The following PPP2R3B variants were observed in gnomAD, a reference collection of about 807,000 sequenced individuals.
PPP2R3B encodes the protein protein phosphatase 2 regulatory subunit B''beta.
Under a neutral mutation model 72.9 loss-of-function variants are expected in PPP2R3B, and 68 were observed. The ratio of observed to expected loss-of-function variants is 0.93; its 90% confidence interval spans 0.77 to 1.14. The LOEUF is 1.14. PPP2R3B is among the 50% of genes most tolerant of loss of function. PPP2R3B has a pLI of 0.00. For missense variants in PPP2R3B, 1,018 were observed against 842.0 expected (o/e 1.21, Z -2.59); for synonymous variants, 466 against 375.8 (o/e 1.24, Z -2.78).
Position 386,898 on chromosome X carries a change from G to A in PPP2R3B, c.-207C>T, listed in dbSNP as rs1474957773. The A allele has an allele frequency of 3.7e-5, 7 of 187,076 alleles. No individual in the cohort carries two copies. The highest frequency in any genetic ancestry group is 6.5e-5 in the Non-Finnish European group (6 of 92,524). 11.6% of individuals were successfully genotyped at this position (187,076 alleles called of 1,614,324 possible). The stretch of plus-strand genomic sequence containing the variant: ...GGCGCGGTCCGGCCCGCGCTGCTCA[G>A]GGCAGCTTCAAAACGGGCGCGCCGG... On this transcript the variant is annotated 5_prime_UTR_variant, in exon 1 of 13. Coordinates refer to ENST00000390665, the MANE Select transcript of PPP2R3B (RefSeq NM_013239.5).
At chrX:356,009 A>G (rs185484897) in intron 2 of PPP2R3B, among the ~76,000 whole-genome samples, 199 of 152,356 alleles carry the variant, frequency 1.3e-3, no homozygotes, top group African/African-American at 4.7e-3. Flanking sequence ...CAGCTGCCCC[A>G]AAATGAAAAA....
chrX:345,375 A>G, intron 7 of PPP2R3B, 141 bp downstream of exon 7: 1 of 1,176,424 alleles, frequency 8.5e-7, no homozygotes, highest in Non-Finnish European at 1.2e-6. Flanking sequence ...CTGCAGACAC[A>G]GAGCGGCGAG....
Position 361,551 on chromosome X carries a change from T to C in PPP2R3B, c.364A>G (p.Ser122Gly), listed in dbSNP as rs1357490958. The C allele has an allele frequency of 6.2e-7, 1 of 1,613,986 alleles. No homozygotes were observed. The highest frequency in any genetic ancestry group is 1.7e-5 in the Admixed American group (1 of 60,022). ...RKEEPLPPAT[S>G]QSIPTFYFPR... Reference sequence around the variant, plus strand: ...AAGTAGAAGGTCGGAATGCTTTGGCTCGTGGCCGGGGGCAGAGGCTCTTCT... The same window carrying C: ...AAGTAGAAGGTCGGAATGCTTTGGCCCGTGGCCGGGGGCAGAGGCTCTTCT... The change falls in exon 2 of 13, where the codon AGC (serine) becomes GGC (glycine). Residue 122 changes from serine (S) to glycine (G), a missense_variant. Ser to Gly is a moderately conservative substitution (Grantham distance 56). Coordinates refer to ENST00000390665, the MANE Select transcript of PPP2R3B (RefSeq NM_013239.5).
chrX:376,449 T>C (rs1317685303), intron 1 of PPP2R3B, among the ~76,000 whole-genome samples: 1 of 152,102 alleles, frequency 6.6e-6, no homozygotes, highest in Non-Finnish European at 1.5e-5. Flanking sequence ...CATGGGGCCA[T>C]CCACTACCGT....
rs747774086 is a variant in PPP2R3B at position 356,978 on chromosome X, C to T, written c.510+4427G>A. Among the ~76,000 whole-genome samples the T allele has an allele frequency of 4.1e-5, 5 of 122,754 alleles. 2 individuals are homozygous for T. In the East Asian group the frequency reaches 8.7e-4, roughly 21 times the overall value. The allele number at this position is 122,754 out of a possible 152,430, so 80.5% of individuals were successfully genotyped here. The stretch of plus-strand genomic sequence containing the variant: ...CACACCACAGGACTTAATCAGTCCT[C>T]AACACACACACATAGCGAAACATCT... On this transcript the variant is annotated intron_variant, in intron 2 of 12. Coordinates refer to ENST00000390665, the MANE Select transcript of PPP2R3B (RefSeq NM_013239.5).
intron 10 of PPP2R3B, among the ~76,000 whole-genome samples, chrX:339,277 G>GGGT (rs1556105763): frequency 1.3e-5 from 2 of 149,628 alleles, no homozygotes; most frequent in Non-Finnish European, 3.0e-5. Flanking sequence ...ATGGCCGGGG[G>GGGT]GGGCAGGGCT....
At position 346,769 on chromosome X, in the gene PPP2R3B, C is replaced by G; in HGVS notation, c.724G>C (p.Val242Leu). 1 of 1,609,444 alleles carries G rather than the reference C, an allele frequency of 6.2e-7. No homozygotes were observed. The highest frequency in any genetic ancestry group is 8.5e-7 in the Non-Finnish European group (1 of 1,178,208). The change falls in exon 5 of 13, where the codon GTG (valine) becomes CTG (leucine). Residue 242 changes from valine (V) to leucine (L), a missense_variant. By Grantham distance (32) the Val-to-Leu change is conservative. Coordinates refer to ENST00000390665, the MANE Select transcript of PPP2R3B (RefSeq NM_013239.5). ...AACGACAGCCCCGGGTGCGTGTTCA[C>G]CACGTCCTGCGGGTGGGAAGACACG... ...EDFVPFLQDV[V>L]NTHPGLSFLK...
At chrX:376,441 T>TCGAC in intron 1 of PPP2R3B, among the ~76,000 whole-genome samples, 1 of 107,792 alleles carries the variant, frequency 9.3e-6, no homozygotes, top group Non-Finnish European at 1.8e-5. Flanking sequence ...AGAGCCCCCA[T>TCGAC]GGGGCCATCC....
At position 386,509 on chromosome X, in the gene PPP2R3B, G is replaced by A. The variant is rs1454806054; in HGVS notation, c.183C>T (p.Ala61=). Residue 61 remains alanine (A), a synonymous_variant, in exon 1 of 13, where the codon GCC becomes GCT. Coordinates refer to ENST00000390665, the MANE Select transcript of PPP2R3B (RefSeq NM_013239.5). ...CGCTGGGCCGGGGGGCGGCGAGCGG[G>A]GCTGTGGGCCAGGCCCCGGGCTGCT... is the stretch of plus-strand genomic sequence containing the variant. ...DGEQPGAWPT[A]PLAAPRPSGL... 3.0e-6 allele frequency: 4 copies of A among 1,334,062 alleles called. No individual in the cohort carries two copies. The Admixed American group carries it at 1.1e-4, about 37-fold the overall frequency. The allele number at this position is 1,334,062 out of a possible 1,614,324, so 82.6% of individuals were successfully genotyped here. A position where few individuals can be genotyped will look rare whatever the true frequency, so the allele number is the denominator to read the frequency against.
intron 1 of PPP2R3B, among the ~76,000 whole-genome samples, chrX:371,525 C>T (rs1192557298): frequency 2.0e-5 from 3 of 151,790 alleles, no homozygotes; most frequent in African/African-American, 2.4e-5. Flanking sequence ...GGTGGGACGT[C>T]GCACAGTCAG....
chrX:369,804 C>T (rs1020941557), intron 1 of PPP2R3B, among the ~76,000 whole-genome samples: 13 of 152,214 alleles, frequency 8.5e-5, no homozygotes, highest in African/African-American at 2.2e-4. Flanking sequence ...GCGGAAGGGA[C>T]GCTCAGTACG....
At chrX:348,581 A>AAAAAAAAAAAAAAGG (rs111787156) in intron 2 of PPP2R3B, among the ~76,000 whole-genome samples, 24 of 144,450 alleles carry the variant, frequency 1.7e-4, no homozygotes, top group African/African-American at 6.3e-4. Flanking sequence ...GTCTCAAAAA[A>AAAAAAAAAAAAAAGG]AGAGCAAATA....
In PPP2R3B at chrX:359,640, C is replaced by G. The variant is rs768063127; in HGVS notation, c.510+1765G>C. ...CTGGTCCTTTCATGGCCCCACACTG[C>G]CGTACAAGACAGGGACACCTCTACA... On this transcript the variant is annotated intron_variant, in intron 2 of 12. Coordinates refer to ENST00000390665, the MANE Select transcript of PPP2R3B (RefSeq NM_013239.5). Among the ~76,000 whole-genome samples the G allele has an allele frequency of 1.2e-3, 176 of 152,304 alleles. 1 individual carries two copies. The highest frequency in any genetic ancestry group is 4.0e-3 in the African/African-American group (166 of 41,556).
At chrX:345,398 G>A (rs1189553720) in intron 7 of PPP2R3B, 118 bp downstream of exon 7, 2 of 1,361,862 alleles carry the variant, frequency 1.5e-6, no homozygotes, top group African/African-American at 1.4e-5. Context: ...CGAAGGAGAG[G>A]CAGCTGCAGA....
chrX:363,798 T>C (rs1234445972), intron 1 of PPP2R3B, among the ~76,000 whole-genome samples: 1 of 152,116 alleles, frequency 6.6e-6, no homozygotes, highest in Non-Finnish European at 1.5e-5. Context: ...TCCTCCTTCA[T>C]CACGCTGGGT....
At chrX:341,039 G>A (rs2738365) in intron 9 of PPP2R3B, 99 bp from the exon 10 acceptor site, 7 of 1,489,562 alleles carry the variant, frequency 4.7e-6, no homozygotes, top group South Asian at 3.7e-5. Flanking sequence ...ACGCGTCCCC[G>A]CTGTGCCTTG....
chrX:340,327 G>T (rs964076523), intron 10 of PPP2R3B, among the ~76,000 whole-genome samples: 3 of 151,144 alleles, frequency 2.0e-5, no homozygotes, highest in Admixed American at 2.0e-4. Context: ...TCACCCCTCG[G>T]GGGGTGTCGA....
In PPP2R3B at chrX:346,367, C is replaced by CG. The variant is rs1015512598; in HGVS notation, c.793-108dup. 2.6e-6 allele frequency: 3 copies of CG among 1,133,100 alleles called. No homozygotes were observed. In the East Asian group the frequency reaches 7.8e-5, roughly 30 times the overall value. The allele number at this position is 1,133,100 out of a possible 1,614,324, so 70.2% of individuals were successfully genotyped here. On this transcript the variant is annotated intron_variant, in intron 5 of 12. Coordinates refer to ENST00000390665, the MANE Select transcript of PPP2R3B (RefSeq NM_013239.5). ...GGGCGCGCCCTTGGTCTCAGCCGCA[C>CG]GGGGCCGCCAGGGCACAGGCGGGGG...
At chrX:339,134 G>A (rs982325387) in intron 10 of PPP2R3B, among the ~76,000 whole-genome samples, 13 of 69,788 alleles carry the variant, frequency 1.9e-4, no homozygotes, top group African/African-American at 4.6e-4. Flanking sequence ...CCAAGGATGC[G>A]TGGACTGGGA....
Sources: gnomAD v4.1 joint callset for allele counts (sites outside exome capture counted in the v4.1 genomes callset) on GRCh38, gnomAD v4.1.1 for gene constraint, MANE v1.5 for transcripts, NCBI Gene and HGNC (gene_info 2026-07-23, HGNC 2026-07-21) for gene names.